TTN: variants seen among roughly 807,000 people sequenced by gnomAD.
The protein encoded by TTN is titin.
Under a neutral mutation model 3,223.0 loss-of-function variants are expected in TTN, and 1,525 were observed. That is an observed-to-expected ratio of 0.47 (90% CI 0.45 to 0.49). The LOEUF is 0.49. Ranked by LOEUF, TTN falls within the 20% of genes least tolerant of loss-of-function variation. The pLI is 0.00. For synonymous variants in TTN, 14,094 were observed against 15,161.0 expected (o/e 0.93, Z 5.17); for missense variants, 40,786 against 43,424.0 (o/e 0.94, Z 5.40).
chr2:178,744,429 A>T, intron 47 of TTN: 1 of 962,124 alleles, frequency 1.0e-6, no homozygotes, highest in Non-Finnish European at 1.2e-6. Flanking sequence ...CGAGTCTTAT[A>T]TGAGAAGACT....
rs753892271 is a variant in TTN at position 178,731,538 on chromosome 2, C to T, written c.17228G>A (p.Arg5743Gln). The T allele has an allele frequency of 7.3e-5, 118 of 1,612,486 alleles. No individual in the cohort carries two copies. In the Admixed American group the frequency reaches 1.5e-3, roughly 21 times the overall value. The change falls in exon 59 of 363, where the codon CGG becomes CAG. Residue 5743 changes from arginine (R) to glutamine (Q), a missense_variant. Physicochemically the swap from Arg to Gln is conservative, Grantham distance 43 (BLOSUM62 1). Transcript: ENST00000589042. ...GGCCTGGAAGGCAGCTGTGCCTCCC[C>T]GGAGGGAGCTGGTACTCTCGATCTT... ...IKKIESTSSL[R>Q]GGTAAFQATL...
In TTN at chr2:178,729,475, C is replaced by T. The variant is rs372273496; in HGVS notation, c.18681G>A (p.Pro6227=). ...TATTCTTCAGCCAAGTGACTTCAAACGGAGGTGTTCCCGTAACTTCACACT... is the reference window on the plus strand; with the variant it reads ...TATTCTTCAGCCAAGTGACTTCAAATGGAGGTGTTCCCGTAACTTCACACT... The part of the protein sequence containing the change: ...ELECEVTGTP[P]FEVTWLKNNR... The change falls in exon 64 of 363, where the codon CCG becomes CCA. Residue 6227 remains proline (P), a synonymous_variant. Coordinates refer to ENST00000589042, the MANE Select transcript of TTN (RefSeq NM_001267550.2). 30 of 1,613,496 alleles carry T rather than the reference C, an allele frequency of 1.9e-5. No homozygotes were observed. Among genetic ancestry groups the T allele is most frequent in the African/African-American group, 2.7e-5 (2 of 74,900 alleles).
At position 178,547,634 on chromosome 2, in the gene TTN, C is replaced by T; in HGVS notation, c.93992G>A (p.Gly31331Glu). The T allele has an allele frequency of 2.5e-6, 4 of 1,613,880 alleles. No individual in the cohort carries two copies. Among genetic ancestry groups the T allele is most frequent in the Non-Finnish European group, 3.4e-6 (4 of 1,179,806 alleles). Residue 31331 changes from glycine (G) to glutamate (E), a missense_variant, in exon 339 of 363, where the codon GGA becomes GAA. Gly to Glu is a moderately conservative substitution (Grantham distance 98). Coordinates refer to ENST00000589042, the MANE Select transcript of TTN (RefSeq NM_001267550.2). ...AGTGCCTCCTCCATCTTTAGGTTCTCCCCATGACAGGACACACGATTCAGC... is the reference window on the plus strand; with the variant it reads ...AGTGCCTCCTCCATCTTTAGGTTCTTCCCATGACAGGACACACGATTCAGC... ...VSAESCVLSW[G>E]EPKDGGGTEI...
chr2:178,774,929 A>G lies in TTN; in HGVS notation c.6782T>C (p.Ile2261Thr), dbSNP rs751757338. 3.7e-6 allele frequency: 6 copies of G among 1,613,598 alleles called. No individual in the cohort carries two copies. Among genetic ancestry groups the G allele is most frequent in the African/African-American group, 2.7e-5 (2 of 74,914 alleles). Residue 2261 changes from isoleucine (I) to threonine (T), a missense_variant, in exon 29 of 363, where the codon ATT becomes ACT. By Grantham distance (89) the Ile-to-Thr change is moderately conservative. Coordinates refer to ENST00000589042, the MANE Select transcript of TTN (RefSeq NM_001267550.2). ...DENVKTTAKL[I>T]VEGAVVEFVK... ...CCTTCGTTGTTGAATACCTTCAACAATAAGTTTAGCAGTCGTTTTGACATT... is the reference window on the plus strand; with the variant it reads ...CCTTCGTTGTTGAATACCTTCAACAGTAAGTTTAGCAGTCGTTTTGACATT...
Position 178,773,136 on chromosome 2 carries a change from T to C in TTN, c.7828A>G (p.Met2610Val), listed in dbSNP as rs1331698925. 1.9e-6 allele frequency: 3 copies of C among 1,613,958 alleles called. No individual in the cohort carries two copies. Among genetic ancestry groups the C allele is most frequent in the South Asian group, 1.1e-5 (1 of 91,062 alleles). ...GKYTFYAGEN[M>V]TSGKLTVAGG... ...GCCACAGTAAGTTTTCCAGATGTCA[T>C]ATTTTCTCCCGCGTAAAATGTGTAT... The change falls in exon 33 of 363, where the codon ATG becomes GTG. Residue 2610 changes from methionine (M) to valine (V), a missense_variant. Met to Val is a conservative substitution (Grantham distance 21, BLOSUM62 1). Transcript: ENST00000589042.
Position 178,720,242 on chromosome 2 carries a change from C to T in TTN, c.23400G>A (p.Lys7800=), listed in dbSNP as rs1488627887. ...KFKEPPRFVK[K]LSDTSTLIGD... Reference sequence around the variant, plus strand: ...CAATAAGGGTTGAGGTGTCACTTAGCTTTTTCACGAATCGTGGAGGTTCTG... The same window carrying T: ...CAATAAGGGTTGAGGTGTCACTTAGTTTTTTCACGAATCGTGGAGGTTCTG... Residue 7800 remains lysine (K), a synonymous_variant, in exon 81 of 363, where the codon AAG becomes AAA. Coordinates refer to ENST00000589042, the MANE Select transcript of TTN (RefSeq NM_001267550.2). 3 of 1,610,740 alleles carry T rather than the reference C, an allele frequency of 1.9e-6. No homozygotes were observed. The highest frequency in any genetic ancestry group is 2.5e-6 in the Non-Finnish European group (3 of 1,177,842).
At chr2:178,802,852 T>C (rs1351988103) in intron 2 of TTN, among the ~76,000 whole-genome samples, 1 of 152,208 alleles carries the variant, frequency 6.6e-6, no homozygotes, top group Non-Finnish European at 1.5e-5. Context: ...ACTGTCTTCT[T>C]GGACTCTTCT....
chr2:178,696,552 T>C (rs547722763), intron 113 of TTN, among the ~76,000 whole-genome samples: 200 of 152,086 alleles, frequency 1.3e-3, no homozygotes, highest in Middle Eastern at 6.8e-3. Context: ...AGAGCTCCAG[T>C]TTGCAGAACC....
intron 99 of TTN, among the ~76,000 whole-genome samples, chr2:178,709,263 A>T (rs2076306567): frequency 6.6e-6 from 1 of 152,210 alleles, no homozygotes; most frequent in Non-Finnish European, 1.5e-5. Context: ...ATAAAAATAT[A>T]TGTCACATAT....
rs1328943315 is a variant in TTN at position 178,572,140 on chromosome 2, G to A, written c.73992C>T (p.Ala24664=). Residue 24664 remains alanine (A), a synonymous_variant, in exon 326 of 363, where the codon GCC becomes GCT. Coordinates refer to ENST00000589042, the MANE Select transcript of TTN (RefSeq NM_001267550.2). ...CAGTGACCTTGACTGTGGCACACGT[G>A]GCCCATTTGTCACTGCCTTTGGTCT... The part of the protein sequence containing the change: ...EMQTKGSDKW[A]TCATVKVTEA... 1.1e-5 allele frequency: 17 copies of A among 1,613,206 alleles called. No homozygotes were observed. The East Asian group carries it at 3.8e-4, about 36-fold the overall frequency.
chr2:178,617,516 G>T lies in TTN; in HGVS notation c.47573-4C>A. On this transcript the variant is annotated splice_polypyrimidine_tract_variant and splice_region_variant and intron_variant, in intron 253 of 362. Transcript: ENST00000589042. The stretch of plus-strand genomic sequence containing the variant: ...TTTACAGGAGGACTTGGTCTCTCTG[G>T]AATAAAAGAAGGAGTTGGAGCATAC... 1 of 1,575,056 alleles carries T rather than the reference G, an allele frequency of 6.3e-7. No homozygotes were observed. The highest frequency in any genetic ancestry group is 1.2e-5 in the South Asian group (1 of 82,956).
Position 178,714,165 on chromosome 2 carries a change from T to G in TTN, c.26493A>C (p.Thr8831=). 1.9e-6 allele frequency: 3 copies of G among 1,608,700 alleles called. No homozygotes were observed. The highest frequency in any genetic ancestry group is 2.5e-6 in the Non-Finnish European group (3 of 1,177,794). ...FATLSVLEPA[T]IVEKPESIKV... is the part of the protein sequence containing the mutation. Reference sequence around the variant, plus strand: ...TTATGGATTCTGGCTTTTCTACAATTGTTGCAGGCTCTGGAATGAAATGTA... The same window carrying G: ...TTATGGATTCTGGCTTTTCTACAATGGTTGCAGGCTCTGGAATGAAATGTA... Residue 8831 remains threonine, a synonymous_variant, in exon 92 of 363, where the codon ACA becomes ACC. Coordinates refer to ENST00000589042, the MANE Select transcript of TTN (RefSeq NM_001267550.2).
Position 178,733,088 on chromosome 2 carries a change from A to G in TTN, c.16088T>C (p.Leu5363Ser), listed in dbSNP as rs1272893628. ...RDIAPFFTKP[L>S]RNVDSVVNGT... ...ATTAACAACACTATCCACGTTGCGC[A>G]AGGGTTTGGTAAAAAATGGAGCAAT... The change falls in exon 55 of 363, where the codon TTG becomes TCG. Residue 5363 changes from leucine to serine, a missense_variant. By Grantham distance (145) the Leu-to-Ser change is moderately radical. Coordinates refer to ENST00000589042, the MANE Select transcript of TTN (RefSeq NM_001267550.2). 3 of 1,603,726 alleles carry G rather than the reference A, an allele frequency of 1.9e-6. No individual in the cohort carries two copies. The highest frequency in any genetic ancestry group is 1.7e-6 in the Non-Finnish European group (2 of 1,173,474).
intron 47 of TTN, chr2:178,750,008 G>A: frequency 1.2e-6 from 2 of 1,613,206 alleles, no homozygotes; most frequent in Non-Finnish European, 1.7e-6. Flanking sequence ...CATTGCTTTA[G>A]GTTCCAGCTC....
At chr2:178,768,569 A>G (rs922352197) in intron 38 of TTN, 104 bp downstream of exon 38, 4 of 1,520,142 alleles carry the variant, frequency 2.6e-6, no homozygotes, top group Non-Finnish European at 3.6e-6. Flanking sequence ...ATCCCATCGT[A>G]TGGCTATCCC....
Position 178,572,671 on chromosome 2 carries a change from T to C in TTN, c.73461A>G (p.Gly24487=), listed in dbSNP as rs1311461427. 1.9e-6 allele frequency: 3 copies of C among 1,613,076 alleles called. No homozygotes were observed. In the African/African-American group the frequency reaches 4.0e-5, roughly 22 times the overall value. ...TGCCACTGTCAAATCTGTTTACATT[T>C]CCAACAATAAGCAGGGTGTAAGAGC... ...STSSYTLLIV[G]NVNRFDSGKY... The change falls in exon 326 of 363, where the codon GGA becomes GGG. Residue 24487 remains glycine (G), a synonymous_variant. Coordinates refer to ENST00000589042, the MANE Select transcript of TTN (RefSeq NM_001267550.2).
rs752329274 is a variant in TTN, at chr2:178,799,808, A to G, written c.669+17T>C. 8 of 1,614,076 alleles carry G rather than the reference A, an allele frequency of 5.0e-6. No individual in the cohort carries two copies. Among genetic ancestry groups the G allele is most frequent in the East Asian group, 2.2e-5 (1 of 44,880 alleles). ...AACAGCCTGAAAGGCTTGAAAACCA[A>G]CAGTATAGAAAAATACCTTTTCAAT... On this transcript the variant is annotated intron_variant, in intron 5 of 362. Transcript: ENST00000589042.
rs869312112 is a variant in TTN at position 178,590,230 on chromosome 2, G to A, written c.61495C>T (p.Arg20499Ter). 1.9e-6 allele frequency: 3 copies of A among 1,593,932 alleles called. No homozygotes were observed. The highest frequency in any genetic ancestry group is 1.7e-6 in the Non-Finnish European group (2 of 1,170,074). ...TCTGGTTCAGGTCTGCCTTTGACTC[G>A]AGCTAGAATGCGGATAGTTTGGCCT... Reference protein sequence around the residue: ...RVGQTIRILARVKGRPEPDIT... With the variant: ...RVGQTIRILA The change falls in exon 304 of 363, where the codon CGA becomes TGA. Residue 20499 changes from arginine to a stop codon, truncating the protein, a stop_gained. Coordinates refer to ENST00000589042, the MANE Select transcript of TTN (RefSeq NM_001267550.2). LOFTEE classifies it high-confidence loss of function.
At chr2:178,643,507 A>G (rs1461838918) in intron 218 of TTN, among the ~76,000 whole-genome samples, 1 of 151,996 alleles carries the variant, frequency 6.6e-6, no homozygotes, top group African/African-American at 2.4e-5. Context: ...CCCAGAAGGA[A>G]GCACATGCAT....
Sources: gnomAD v4.1 joint callset for allele counts (sites outside exome capture counted in the v4.1 genomes callset) on GRCh38, gnomAD v4.1.1 for gene constraint, MANE v1.5 for transcripts, NCBI Gene and HGNC (gene_info 2026-07-23, HGNC 2026-07-21) for gene names.